Variants in ALK observed in about 807,000 individuals in gnomAD.
ALK encodes the protein ALK receptor tyrosine kinase.
Under a neutral mutation model 163.1 loss-of-function variants are expected in ALK, and 74 were observed. That is an observed-to-expected ratio of 0.45 (90% confidence interval 0.38 to 0.55). ALK has a LOEUF of 0.55. Ranked by LOEUF, ALK falls within the 20% of genes least tolerant of loss-of-function variation. ALK has a pLI of 0.00. For synonymous variants in ALK, 960 were observed against 843.2 expected (o/e 1.14, Z -2.40); for missense variants, 2,063 against 2,105.3 (o/e 0.98, Z 0.39).
At position 29,689,371 on chromosome 2, in the gene ALK, A is replaced by G. The variant is rs190630357; in HGVS notation, c.952+5479T>C. ...TATATCCTGAGAGAATTTTCCCGCA[A>G]AGTCTGCACTTGCAGTTCAAAAGGT... On this transcript the variant is annotated intron_variant, in intron 3 of 28. Coordinates refer to ENST00000389048, the MANE Select transcript of ALK (RefSeq NM_004304.5). 2.5e-4 allele frequency among the ~76,000 whole-genome samples: 38 copies of G among 152,306 alleles called. No individual in the cohort carries two copies. The East Asian group carries it at 7.0e-3, about 28-fold the overall frequency.
chr2:29,270,086 G>A (rs908213798), intron 11 of ALK, among the ~76,000 whole-genome samples: 1 of 152,174 alleles, frequency 6.6e-6, no homozygotes, highest in African/African-American at 2.4e-5. Flanking sequence ...GATCCCTCTC[G>A]AAGACCTATT....
At chr2:29,898,270 C>G (rs1558539113) in intron 1 of ALK, among the ~76,000 whole-genome samples, 1 of 152,168 alleles carries the variant, frequency 6.6e-6, no homozygotes, top group Non-Finnish European at 1.5e-5. Flanking sequence ...CGGGGAAAGG[C>G]CACATTCCTA....
intron 1 of ALK, among the ~76,000 whole-genome samples, chr2:29,910,391 A>G (rs1667670174): frequency 6.6e-6 from 1 of 152,200 alleles, no homozygotes; most frequent in Admixed American, 6.5e-5. Flanking sequence ...GAACCATAAA[A>G]GTATAGCACA....
intron 3 of ALK, among the ~76,000 whole-genome samples, chr2:29,649,205 AGTGT>A (rs1198188084): frequency 5.0e-5 from 7 of 141,076 alleles, no homozygotes; most frequent in South Asian, 2.2e-4. Context: ...TGTGAGAGAG[AGTGT>A]GTGTATGTGA....
Position 29,887,584 on chromosome 2 carries a change from T to C in ALK, c.667+32409A>G, listed in dbSNP as rs181845908. 1.3e-5 allele frequency among the ~76,000 whole-genome samples: 2 copies of C among 152,332 alleles called. 1 individual carries two copies. The highest frequency in any genetic ancestry group is 1.3e-4 in the Admixed American group (2 of 15,302). On this transcript the variant is annotated intron_variant, in intron 1 of 28. Transcript: ENST00000389048. ...GAGAGGATCAAGGACTTTGGGCCTATATTTTTAAACTGCCATCCTGGGAAT... is the reference window on the plus strand; with the variant it reads ...GAGAGGATCAAGGACTTTGGGCCTACATTTTTAAACTGCCATCCTGGGAAT...
chr2:29,380,808 C>A (rs1328105742), intron 5 of ALK, among the ~76,000 whole-genome samples: 1 of 152,184 alleles, frequency 6.6e-6, no homozygotes, highest in Non-Finnish European at 1.5e-5. Context: ...GGGAGATCCT[C>A]CTCCATGATC....
At position 29,830,712 on chromosome 2, in the gene ALK, T is replaced by TAAAAAAAAAAAAAAAAA. The variant is rs1665344950; in HGVS notation, c.667+89280_667+89281insTTTTTTTTTTTTTTTTT. Among the ~76,000 whole-genome samples the TAAAAAAAAAAAAAAAAA allele has an allele frequency of 3.1e-5, 2 of 63,512 alleles. 1 individual carries two copies. The highest frequency in any genetic ancestry group is 1.2e-4 in the African/African-American group (2 of 16,046). 41.7% of individuals were successfully genotyped at this position (63,512 alleles called of 152,430 possible). A position where few individuals can be genotyped will look rare whatever the true frequency, so the allele number is the denominator to read the frequency against. On this transcript the variant is annotated intron_variant, in intron 1 of 28. Coordinates refer to ENST00000389048, the MANE Select transcript of ALK (RefSeq NM_004304.5). ...AGCAAGACCCTGTCTCTAAAATAGT[T>TAAAAAAAAAAAAAAAAA]TAAAAAAAAAAAAAAAAAAAAAAAA... is the stretch of plus-strand genomic sequence containing the variant.
intron 1 of ALK, among the ~76,000 whole-genome samples, chr2:29,834,946 T>C (rs1665518432): frequency 6.6e-6 from 1 of 152,188 alleles, no homozygotes; most frequent in Non-Finnish European, 1.5e-5. Flanking sequence ...ACAAAGGCAG[T>C]GTAACTCATT....
chr2:29,228,309 G>A lies in ALK; in HGVS notation c.2815+575C>T, dbSNP rs150818570. Among the ~76,000 whole-genome samples the A allele has an allele frequency of 8.1e-3, 1,233 of 152,314 alleles. 23 individuals carry two copies. Among genetic ancestry groups the A allele is most frequent in the African/African-American group, 0.027 (1,117 of 41,570 alleles). ...AATCTGTGGGGAGCGGGGAGCCATC[G>A]TCTCCCAGCCTCTCAGCTTCAGAAG... On this transcript the variant is annotated intron_variant, in intron 16 of 28. Coordinates refer to ENST00000389048, the MANE Select transcript of ALK (RefSeq NM_004304.5).
chr2:29,589,186 T>C (rs370581765), intron 3 of ALK, among the ~76,000 whole-genome samples: 4 of 152,222 alleles, frequency 2.6e-5, no homozygotes, highest in African/African-American at 4.8e-5. Context: ...AGGTGATTTA[T>C]GCCTGTTTAT....
At chr2:29,618,636 C>G (rs1196586714) in intron 3 of ALK, among the ~76,000 whole-genome samples, 1 of 152,120 alleles carries the variant, frequency 6.6e-6, no homozygotes, top group Non-Finnish European at 1.5e-5. Context: ...CAAAGCTGCC[C>G]ACGCTACAGA....
At chr2:29,684,339 TAG>T (rs988222342) in intron 3 of ALK, among the ~76,000 whole-genome samples, 5 of 152,198 alleles carry the variant, frequency 3.3e-5, no homozygotes, top group Non-Finnish European at 7.4e-5. Context: ...TTCACCAATT[TAG>T]AGACTGAGGT....
At chr2:29,506,810 T>C (rs1003328414) in intron 4 of ALK, among the ~76,000 whole-genome samples, 13 of 151,340 alleles carry the variant, frequency 8.6e-5, no homozygotes, top group African/African-American at 3.2e-4. Context: ...CGAAACAGTG[T>C]TTTGGGTGGG....
rs7593293 is a variant in ALK, at chr2:29,912,165, T to C, written c.667+7828A>G. Among the ~76,000 whole-genome samples, 238 of 152,142 alleles carry C rather than the reference T, an allele frequency of 1.6e-3. 3 individuals are homozygous for C. The highest frequency in any genetic ancestry group is 5.4e-3 in the African/African-American group (224 of 41,492). ...TGTAATCAGAGTCTCAGGAGAGGAA[T>C]ATATTGGTGCAGGAAAAAAAGGAGA... On this transcript the variant is annotated intron_variant, in intron 1 of 28. Transcript: ENST00000389048.
intron 4 of ALK, among the ~76,000 whole-genome samples, chr2:29,386,639 T>C (rs1176881329): frequency 6.6e-6 from 1 of 152,248 alleles, no homozygotes; most frequent in African/African-American, 2.4e-5. Flanking sequence ...TCCATTTCTA[T>C]ATTGGCACTA....
chr2:29,194,212 G>T (rs191542345), intron 28 of ALK, among the ~76,000 whole-genome samples: 117 of 150,860 alleles, frequency 7.8e-4, no homozygotes, highest in African/African-American at 2.8e-3. Flanking sequence ...AGTTTTTAAA[G>T]ATTAGTGGAT....
intron 1 of ALK, among the ~76,000 whole-genome samples, chr2:29,862,991 G>C (rs1666334173): frequency 6.6e-6 from 1 of 152,074 alleles, no homozygotes; most frequent in Non-Finnish European, 1.5e-5. Flanking sequence ...TTTGACAAAG[G>C]TACCAAGAAC....
At chr2:29,270,193 T>G (rs1383403451) in intron 11 of ALK, among the ~76,000 whole-genome samples, 1 of 152,236 alleles carries the variant, frequency 6.6e-6, no homozygotes. Flanking sequence ...CTAAAAGATT[T>G]CTTTATCACA....
At chr2:29,623,362 G>A (rs1327695628) in intron 3 of ALK, among the ~76,000 whole-genome samples, 4 of 152,170 alleles carry the variant, frequency 2.6e-5, no homozygotes, top group South Asian at 2.1e-4. Flanking sequence ...TTTTGCAACC[G>A]TGAAAAATCA....
Sources: gnomAD v4.1 joint callset for allele counts (sites outside exome capture counted in the v4.1 genomes callset) on GRCh38, gnomAD v4.1.1 for gene constraint, MANE v1.5 for transcripts, NCBI Gene and HGNC (gene_info 2026-07-23, HGNC 2026-07-21) for gene names.